FRAS1: variants seen among roughly 807,000 people sequenced by gnomAD.
The protein encoded by FRAS1 is extracellular matrix organizing protein FRAS1.
A neutral mutation model predicts 435.2 loss-of-function variants in FRAS1; 290 were observed. The ratio of observed to expected loss-of-function variants is 0.67; its 90% CI spans 0.61 to 0.73. FRAS1 has a LOEUF of 0.73. Among genes scored for constraint, FRAS1 ranks in the 30% least tolerant of loss-of-function variants. The probability of loss-of-function intolerance (pLI) is 0.00; values close to 1 mark genes in which losing one functional copy is unlikely to be tolerated. For synonymous variants in FRAS1, 1,800 were observed against 1,851.0 expected (o/e 0.97, Z 0.71); for missense variants, 4,860 against 5,001.5 (o/e 0.97, Z 0.85).
intron 45 of FRAS1, 77 bp downstream of exon 45, chr4:78,450,416 T>C: frequency 8.5e-7 from 1 of 1,173,152 alleles, no homozygotes; most frequent in African/African-American, 1.5e-5. Context: ...AAATATCTGG[T>C]AGTCTATGGC....
intron 31 of FRAS1, among the ~76,000 whole-genome samples, chr4:78,408,357 T>A (rs571774422): frequency 5.9e-5 from 9 of 152,272 alleles, no homozygotes; most frequent in African/African-American, 2.2e-4. Context: ...CATTAGGAGT[T>A]TTTTTAATTT....
intron 35 of FRAS1, among the ~76,000 whole-genome samples, chr4:78,424,937 A>G (rs1733939961): frequency 2.6e-5 from 4 of 151,980 alleles, no homozygotes; most frequent in Non-Finnish European, 5.9e-5. Context: ...CAAGAAAAAA[A>G]AAAGAAATTA....
intron 2 of FRAS1, among the ~76,000 whole-genome samples, chr4:78,114,147 G>T (rs929929748): frequency 6.6e-6 from 1 of 152,074 alleles, no homozygotes; most frequent in Non-Finnish European, 1.5e-5. Flanking sequence ...GTAGGTATGC[G>T]GCATTACTTC....
intron 69 of FRAS1, among the ~76,000 whole-genome samples, chr4:78,525,053 A>G (rs1395986784): frequency 6.6e-6 from 1 of 152,162 alleles, no homozygotes; most frequent in Non-Finnish European, 1.5e-5. Context: ...TATGGCTGGC[A>G]TGGAGTGAGC....
intron 18 of FRAS1, among the ~76,000 whole-genome samples, chr4:78,320,986 A>G (rs1443311030): frequency 6.6e-6 from 1 of 152,236 alleles, no homozygotes; most frequent in Non-Finnish European, 1.5e-5. Flanking sequence ...ACATCTTCCT[A>G]GACCACTCAG....
At chr4:78,463,869 C>CT (rs1719444010) in intron 47 of FRAS1, among the ~76,000 whole-genome samples, 152 bp from the exon 48 acceptor site, 1 of 152,178 alleles carries the variant, frequency 6.6e-6, no homozygotes, top group African/African-American at 2.4e-5. Flanking sequence ...ACAAACAACT[C>CT]TAACAACAAG....
intron 33 of FRAS1, among the ~76,000 whole-genome samples, chr4:78,421,262 C>A (rs953950086): frequency 6.6e-6 from 1 of 152,126 alleles, no homozygotes; most frequent in African/African-American, 2.4e-5. Flanking sequence ...ATTCTCCTGC[C>A]TCAGCCTCCC....
chr4:78,286,898 A>AT (rs900977619), intron 14 of FRAS1, among the ~76,000 whole-genome samples: 19 of 151,992 alleles, frequency 1.3e-4, no homozygotes, highest in South Asian at 2.1e-4. Context: ...ATACTTGGCC[A>AT]TTTTTTCAAT....
At chr4:78,216,594 A>C (rs2110090850) in intron 2 of FRAS1, among the ~76,000 whole-genome samples, 1 of 152,348 alleles carries the variant, frequency 6.6e-6, no homozygotes, top group South Asian at 2.1e-4. Flanking sequence ...CTCATTCCAC[A>C]GATATCTGCA....
chr4:78,521,796 C>T (rs1287228777), intron 68 of FRAS1, among the ~76,000 whole-genome samples, 166 bp downstream of exon 68: 4 of 152,054 alleles, frequency 2.6e-5, no homozygotes, highest in Admixed American at 6.6e-5. Flanking sequence ...TTTGTCACAC[C>T]GTTCAGAAAC....
intron 19 of FRAS1, among the ~76,000 whole-genome samples, chr4:78,336,276 A>G (rs1215432541): frequency 6.6e-6 from 1 of 152,132 alleles, no homozygotes; most frequent in Admixed American, 6.5e-5. Flanking sequence ...CAGTGGGGGA[A>G]TGTTCCTGGT....
At chr4:78,485,014 A>G (rs1720124297) in intron 58 of FRAS1, among the ~76,000 whole-genome samples, 1 of 152,252 alleles carries the variant, frequency 6.6e-6, no homozygotes, top group South Asian at 2.1e-4. Context: ...TTTTGCATGA[A>G]ATGACCATTA....
At chr4:78,323,178 C>G (rs1228925108) in intron 18 of FRAS1, among the ~76,000 whole-genome samples, 2 of 152,188 alleles carry the variant, frequency 1.3e-5, no homozygotes, top group African/African-American at 4.8e-5. Flanking sequence ...TTTCACAAGG[C>G]CTCTATGTTT....
At chr4:78,082,145 T>G (rs1241081726) in intron 2 of FRAS1, among the ~76,000 whole-genome samples, 1 of 152,162 alleles carries the variant, frequency 6.6e-6, no homozygotes, top group Non-Finnish European at 1.5e-5. Flanking sequence ...CGTCCCTCTC[T>G]AATGTTTCCA....
intron 30 of FRAS1, among the ~76,000 whole-genome samples, chr4:78,402,609 G>A (rs182564324): frequency 3.3e-5 from 5 of 152,190 alleles, no homozygotes; most frequent in East Asian, 1.9e-4. Context: ...TAATGTTAAC[G>A]TCTTATAACT....
chr4:78,517,541 T>C (rs541345269), intron 66 of FRAS1, among the ~76,000 whole-genome samples: 23 of 152,328 alleles, frequency 1.5e-4, no homozygotes, highest in African/African-American at 5.5e-4. Context: ...TTGAAAATAA[T>C]TGAAATTACT....
chr4:78,276,723 C>T (rs987533412), intron 9 of FRAS1, among the ~76,000 whole-genome samples: 1 of 152,250 alleles, frequency 6.6e-6, no homozygotes, highest in Non-Finnish European at 1.5e-5. Flanking sequence ...CAGTCTGCCC[C>T]TACTGGAGGG....
At chr4:78,453,969 G>A (rs1378840257) in intron 47 of FRAS1, among the ~76,000 whole-genome samples, 2 of 152,070 alleles carry the variant, frequency 1.3e-5, no homozygotes, top group Admixed American at 6.6e-5. Context: ...TGCCCTGATT[G>A]TACTCACTTT....
chr4:78,187,800 T>C (rs1722335892), intron 2 of FRAS1, among the ~76,000 whole-genome samples: 1 of 152,132 alleles, frequency 6.6e-6, no homozygotes, highest in South Asian at 2.1e-4. Context: ...AGACAGAGTT[T>C]CACCGTGTTA....
Sources: gnomAD v4.1 joint callset for allele counts (sites outside exome capture counted in the v4.1 genomes callset) on GRCh38, gnomAD v4.1.1 for gene constraint, MANE v1.5 for transcripts, NCBI Gene and HGNC (gene_info 2026-07-23, HGNC 2026-07-21) for gene names.